The following KLHDC4 variants were observed in gnomAD, a reference collection of about 807,000 sequenced individuals.
KLHDC4 encodes kelch domain containing 4.
In KLHDC4, 90 loss-of-function variants were observed where a neutral mutation model predicts 62.4. The ratio of observed to expected loss-of-function variants is 1.44; its 90% CI spans 1.22 to 1.72. KLHDC4 has a LOEUF of 1.72. KLHDC4 is among the 40% of genes most tolerant of loss of function. The pLI is 0.00. For missense variants in KLHDC4, 1,025 were observed against 699.7 expected (o/e 1.47, Z -5.25); for synonymous variants, 386 against 284.4 (o/e 1.36, Z -3.59).
chr16:87,725,787 G>C (rs1308148441), intron 7 of KLHDC4, among the ~76,000 whole-genome samples: 1 of 152,064 alleles, frequency 6.6e-6, no homozygotes, highest in Non-Finnish European at 1.5e-5. Flanking sequence ...TACACGTGCA[G>C]AGCACACGCC....
intron 7 of KLHDC4, among the ~76,000 whole-genome samples, chr16:87,724,789 A>C (rs533316434): frequency 1.3e-5 from 2 of 152,180 alleles, no homozygotes; most frequent in South Asian, 2.1e-4. Context: ...AATAACACCC[A>C]CACCCACACC....
At chr16:87,713,295 G>A (rs1026306030) in intron 8 of KLHDC4, among the ~76,000 whole-genome samples, 20 of 152,086 alleles carry the variant, frequency 1.3e-4, no homozygotes, top group African/African-American at 4.6e-4. Flanking sequence ...CACCTCCGAG[G>A]TTCACGCCAT....
chr16:87,757,900 AAAAT>A (rs776305221), intron 2 of KLHDC4, among the ~76,000 whole-genome samples: 3 of 152,142 alleles, frequency 2.0e-5, no homozygotes, highest in African/African-American at 7.2e-5. Flanking sequence ...AAAAAAACAA[AAAAT>A]AAATAAATAA....
At chr16:87,738,340 T>C (rs914472029) in intron 5 of KLHDC4, among the ~76,000 whole-genome samples, 30 of 150,268 alleles carry the variant, frequency 2.0e-4, no homozygotes, top group African/African-American at 7.5e-4. Context: ...TGCGTATGCC[T>C]GCGCACACAC....
intron 4 of KLHDC4, among the ~76,000 whole-genome samples, chr16:87,753,408 C>G (rs2044332794): frequency 6.7e-6 from 1 of 150,240 alleles, no homozygotes; most frequent in Non-Finnish European, 1.5e-5. Flanking sequence ...CCACTGAGGG[C>G]TAAGCCAGCC....
At chr16:87,765,164 A>T (rs570337296) in intron 1 of KLHDC4, 85 of 455,872 alleles carry the variant, frequency 1.9e-4, no homozygotes, top group Non-Finnish European at 3.4e-4. Context: ...GCCGCAGAAC[A>T]CTCAACCCCA....
At chr16:87,702,689 C>T, upstream of KLHDC4, 1 of 213,010 alleles carries the variant, frequency 4.7e-6, no homozygotes, top group Non-Finnish European at 9.6e-6. Context: ...GGAAGAGGCA[C>T]CCTCGCTCCA....
chr16:87,746,469 G>A (rs186119024), intron 5 of KLHDC4, among the ~76,000 whole-genome samples: 1 of 152,146 alleles, frequency 6.6e-6, no homozygotes, highest in Non-Finnish European at 1.5e-5. Context: ...CTCACAACAG[G>A]CTGTGTCTCC....
intron 5 of KLHDC4, among the ~76,000 whole-genome samples, chr16:87,744,441 G>C (rs189919112): frequency 6.6e-6 from 1 of 151,132 alleles, no homozygotes; most frequent in Non-Finnish European, 1.5e-5. Flanking sequence ...AAATTAGCCA[G>C]GCATGATGGC....
chr16:87,725,414 C>T (rs768923905), intron 7 of KLHDC4, among the ~76,000 whole-genome samples: 1 of 152,154 alleles, frequency 6.6e-6, no homozygotes, highest in Non-Finnish European at 1.5e-5. Flanking sequence ...AGCCGCCCGC[C>T]TCGGCCTCCC....
downstream of KLHDC4, among the ~76,000 whole-genome samples, chr16:87,705,753 C>A (rs1392664256): frequency 6.6e-6 from 1 of 152,076 alleles, no homozygotes; most frequent in Non-Finnish European, 1.5e-5. Context: ...CGTCCATCTT[C>A]TGGACAAGGG....
chr16:87,733,641 C>T (rs1182556744), intron 5 of KLHDC4, among the ~76,000 whole-genome samples: 2 of 141,866 alleles, frequency 1.4e-5, no homozygotes, highest in Admixed American at 6.9e-5. Flanking sequence ...TGACCTGCCT[C>T]GCCTCCTACT....
At chr16:87,747,857 G>T (rs548092311) in intron 5 of KLHDC4, among the ~76,000 whole-genome samples, 1 of 152,200 alleles carries the variant, frequency 6.6e-6, no homozygotes, top group Non-Finnish European at 1.5e-5. Context: ...GCTGCCCTCC[G>T]GCTGAAGCCC....
intron 8 of KLHDC4, among the ~76,000 whole-genome samples, chr16:87,713,686 G>A (rs904751130): frequency 1.3e-5 from 2 of 152,078 alleles, no homozygotes. Context: ...CCACGCCCAG[G>A]AACATGAAAC....
chr16:87,753,855 C>A (rs894440195), intron 4 of KLHDC4, among the ~76,000 whole-genome samples: 1 of 151,122 alleles, frequency 6.6e-6, no homozygotes, highest in African/African-American at 2.4e-5. Context: ...TACCTGTAAT[C>A]CCAGCTACTC....
chr16:87,761,666 G>C (rs1321909784), intron 2 of KLHDC4, among the ~76,000 whole-genome samples: 1 of 152,084 alleles, frequency 6.6e-6, no homozygotes, highest in Non-Finnish European at 1.5e-5. Context: ...AAGCTCACTG[G>C]GGCAAAACTT....
At chr16:87,734,203 G>A (rs1212867589) in intron 5 of KLHDC4, among the ~76,000 whole-genome samples, 1 of 118,972 alleles carries the variant, frequency 8.4e-6, no homozygotes, top group Non-Finnish European at 1.7e-5. Flanking sequence ...TAATTAGCTT[G>A]GCGTCGTGGA....
intron 10 of KLHDC4, 173 bp from the exon 11 acceptor site, chr16:87,708,639 G>A (rs1033765797): frequency 3.6e-5 from 16 of 440,164 alleles, no homozygotes; most frequent in South Asian, 7.3e-5. Context: ...AACAGACTGC[G>A]TTCCCCTGGG....
At chr16:87,750,313 G>C (rs971379321) in intron 4 of KLHDC4, 1 of 152,298 alleles carries the variant, frequency 6.6e-6, no homozygotes, top group Admixed American at 6.5e-5. Context: ...AACCACGCTG[G>C]AGGGGCCCCT....
Sources: gnomAD v4.1 joint callset for allele counts (sites outside exome capture counted in the v4.1 genomes callset) on GRCh38, gnomAD v4.1.1 for gene constraint, MANE v1.5 for transcripts, NCBI Gene and HGNC (gene_info 2026-07-23, HGNC 2026-07-21) for gene names.